Variants in MINK1 observed in about 807,000 individuals in gnomAD.
MINK1 encodes the protein misshapen-like kinase 1.
Under a neutral mutation model 178.4 loss-of-function variants are expected in MINK1, and 46 were observed. That is an observed-to-expected ratio of 0.26 (90% CI 0.20 to 0.33). The LOEUF is 0.33. Among genes scored for constraint, MINK1 ranks in the 10% least tolerant of loss-of-function variants. The pLI is 1.00. For missense variants in MINK1, 1,366 were observed against 1,814.9 expected, an observed-to-expected ratio of 0.75 and a Z score of 4.49; for synonymous variants, 797 against 709.7, an observed-to-expected ratio of 1.12 and a Z score of -1.96.
At chr17:4,897,118 C>T (rs1410347014) in intron 31 of MINK1, 86 bp from the exon 32 acceptor site, 3 of 1,162,846 alleles carry the variant, frequency 2.6e-6, no homozygotes, top group South Asian at 2.7e-5. Flanking sequence ...ACTCTTCTGC[C>T]ACCCCTTCTT....
At chr17:4,844,607 G>T in intron 1 of MINK1, 1 of 504,512 alleles carries the variant, frequency 2.0e-6, no homozygotes. Flanking sequence ...GTTGGCACTG[G>T]GGAGCACATG....
At chr17:4,864,976 A>G (rs1429985605) in intron 1 of MINK1, among the ~76,000 whole-genome samples, 1 of 152,226 alleles carries the variant, frequency 6.6e-6, no homozygotes, top group South Asian at 2.1e-4. Flanking sequence ...TTCACAGCAC[A>G]TAAGACAGAC....
chr17:4,834,086 C>T (rs1908916845), intron 1 of MINK1, among the ~76,000 whole-genome samples: 1 of 152,152 alleles, frequency 6.6e-6, no homozygotes, highest in Admixed American at 6.5e-5. Context: ...ACTGTCTCGA[C>T]AGCCTCTCTC....
chr17:4,850,941 C>T (rs1911846821), intron 1 of MINK1: 1 of 450,588 alleles, frequency 2.2e-6, no homozygotes, highest in South Asian at 1.6e-5. Flanking sequence ...ATGCTGTGCC[C>T]TTCCTTGCTC....
At position 4,892,131 on chromosome 17, in the gene MINK1, G is replaced by A. The variant is rs750518364; in HGVS notation, c.2002-18G>A. On this transcript the variant is annotated intron_variant, in intron 16 of 31. Coordinates refer to ENST00000355280, the MANE Select transcript of MINK1 (RefSeq NM_153827.5). ...CTGTCGCAGCGCCAGCTCGCAGCAC[G>A]TGGACTTCTCTCCACAGGTGCCTCA... is the stretch of plus-strand genomic sequence containing the variant. The A allele has an allele frequency of 1.8e-5, 28 of 1,577,178 alleles. No homozygotes were observed. Among genetic ancestry groups the A allele is most frequent in the Admixed American group, 1.1e-4 (6 of 55,508 alleles).
rs1367235911 is a variant in MINK1 at position 4,889,729 on chromosome 17, G to A, written c.1313G>A (p.Arg438Gln). 2.6e-6 allele frequency: 4 copies of A among 1,549,026 alleles called. No homozygotes were observed. The highest frequency in any genetic ancestry group is 1.9e-5 in the Admixed American group (1 of 51,334). Reference protein sequence around the residue: ...RRLEDMQALRREEERRQAERE... With the variant: ...RRLEDMQALRQEEERRQAERE... The stretch of plus-strand genomic sequence containing the variant: ...CTGGAGGACATGCAGGCTCTGCGGC[G>A]GGAGGAGGAGCGGCGGCAGGCGGAG... The change falls in exon 13 of 32, where the codon CGG becomes CAG. Residue 438 changes from arginine to glutamine, a missense_variant. Physicochemically the swap from Arg to Gln is conservative, Grantham distance 43 (BLOSUM62 1). Around this residue, in one of 14 missense-constraint regions of MINK1, gnomAD observed 87 missense variants for 78.9 expected, o/e 1.10. Transcript: ENST00000355280.
At position 4,892,227 on chromosome 17, in the gene MINK1, C is replaced by G; in HGVS notation, c.2080C>G (p.Arg694Gly). The G allele has an allele frequency of 1.9e-6, 3 of 1,582,946 alleles. No individual in the cohort carries two copies. The highest frequency in any genetic ancestry group is 2.6e-6 in the Non-Finnish European group (3 of 1,165,354). The part of the protein sequence containing the change: ...AGGSRPAQAV[R>G]ARPRSNSAWQ... ...AGGGTCCCGGCCAGCCCAGGCAGTC[C>G]GTGCCAGGTAATGCCTGGGTAGGGC... The change falls in exon 17 of 32, where the codon CGT becomes GGT. Residue 694 changes from arginine to glycine, a missense_variant. Transcript: ENST00000355280.
intron 1 of MINK1, among the ~76,000 whole-genome samples, chr17:4,838,969 A>G (rs1909716555): frequency 1.3e-5 from 2 of 149,708 alleles, no homozygotes; most frequent in Non-Finnish European, 1.5e-5. Flanking sequence ...TTTGAGACGC[A>G]GTCTCGCACT....
intron 2 of MINK1, among the ~76,000 whole-genome samples, chr17:4,879,480 T>C (rs1967503440): frequency 6.6e-6 from 1 of 152,166 alleles, no homozygotes; most frequent in Non-Finnish European, 1.5e-5. Context: ...CCACCCGCAA[T>C]CTCTTGCCTT....
intron 1 of MINK1, among the ~76,000 whole-genome samples, chr17:4,877,787 T>C (rs1427639206): frequency 6.7e-6 from 1 of 150,234 alleles, no homozygotes; most frequent in Non-Finnish European, 1.5e-5. Flanking sequence ...ATCTGCGCTC[T>C]GACTTCCATG....
chr17:4,865,426 ACT>A (rs964355591), intron 1 of MINK1, among the ~76,000 whole-genome samples: 1 of 151,806 alleles, frequency 6.6e-6, no homozygotes, highest in Admixed American at 6.6e-5. Flanking sequence ...AGGGTGAGAC[ACT>A]GTCTCAAAAA....
In MINK1 at chr17:4,895,947, G is replaced by A; in HGVS notation, c.3365-56G>A. On this transcript the variant is annotated intron_variant, in intron 27 of 31. Coordinates refer to ENST00000355280, the MANE Select transcript of MINK1 (RefSeq NM_153827.5). This position sits in a 1 kb window ranked among gnomAD's most constrained non-coding sequence, Gnocchi z 4.3. Reference sequence around the variant, plus strand: ...GCAGTGTAGTGACAGACCACGGGGAGGCGCCCGTGGCGCAAGAAGGGAAGT... The same window carrying A: ...GCAGTGTAGTGACAGACCACGGGGAAGCGCCCGTGGCGCAAGAAGGGAAGT... The A allele has an allele frequency of 6.4e-7, 1 of 1,563,598 alleles. No individual in the cohort carries two copies. The highest frequency in any genetic ancestry group is 8.7e-7 in the Non-Finnish European group (1 of 1,153,356).
chr17:4,859,131 A>C (rs1913695248), intron 1 of MINK1: 1 of 985,316 alleles, frequency 1.0e-6, no homozygotes, highest in Admixed American at 6.2e-5. Context: ...GCTGGGCTCG[A>C]AGCACAGGAG....
At chr17:4,861,607 T>C in intron 1 of MINK1, 2 of 228,930 alleles carry the variant, frequency 8.7e-6, no homozygotes, top group South Asian at 3.8e-5. Context: ...TTCAAGCGAT[T>C]CTCCTGCCCC....
rs777859624 is a variant in MINK1 at position 4,896,209 on chromosome 17, C to A, written c.3482C>A (p.Pro1161His). The change falls in exon 29 of 32, where the codon CCC (proline) becomes CAC (histidine). Residue 1161 changes from proline (P) to histidine (H), a missense_variant. By Grantham distance (77) the Pro-to-His change is moderately conservative (BLOSUM62 -2). Coordinates refer to ENST00000355280, the MANE Select transcript of MINK1 (RefSeq NM_153827.5). The surrounding 1 kb of genome is among the most constrained non-coding windows in gnomAD (Gnocchi z 4.6). The stretch of plus-strand genomic sequence containing the variant: ...TCTCTGCAGTCCTTTGCCGACCTCC[C>A]CCACCGCCCTCTGCTGGTCGACCTG... ...FMAFKSFADL[P>H]HRPLLVDLTV... 2 of 1,598,500 alleles carry A rather than the reference C, an allele frequency of 1.3e-6. No homozygotes were observed. Among genetic ancestry groups the A allele is most frequent in the Non-Finnish European group, 8.5e-7 (1 of 1,171,790 alleles).
Position 4,892,474 on chromosome 17 carries a change from G to T in MINK1, c.2160G>T (p.Gly720=). The change falls in exon 18 of 32, where the codon GGG becomes GGT. Residue 720 remains glycine (G), a synonymous_variant. Transcript: ENST00000355280. ...RAERGTPKPP[G]PPAQPPGPPN... Reference sequence around the variant, plus strand: ...AGCGGGGCACCCCAAAGCCTCCAGGGCCCCCTGCTCAGCCCCCTGGCCCGC... The same window carrying T: ...AGCGGGGCACCCCAAAGCCTCCAGGTCCCCCTGCTCAGCCCCCTGGCCCGC... 6.4e-7 allele frequency: 1 copy of T among 1,564,846 alleles called. No individual in the cohort carries two copies. The highest frequency in any genetic ancestry group is 8.7e-7 in the Non-Finnish European group (1 of 1,155,586).
rs768033318 is a variant in MINK1 at position 4,885,092 on chromosome 17, C to T, written c.508+90C>T. On this transcript the variant is annotated intron_variant, in intron 6 of 31. Transcript: ENST00000355280. This position sits in a 1 kb window ranked among gnomAD's most constrained non-coding sequence, Gnocchi z 5.0. The stretch of plus-strand genomic sequence containing the variant: ...CTTTTTCTCTCTGGTGGCTCAGGCC[C>T]AACTCCCTTCCTACTGGGGAGGCTC... 1.7e-6 allele frequency: 2 copies of T among 1,201,812 alleles called. No individual in the cohort carries two copies. Among genetic ancestry groups the T allele is most frequent in the Non-Finnish European group, 2.4e-6 (2 of 830,596 alleles). The allele number at this position is 1,201,812 out of a possible 1,614,324, so 74.4% of individuals were successfully genotyped here.
At chr17:4,834,594 C>T (rs1461845982) in intron 1 of MINK1, among the ~76,000 whole-genome samples, 1 of 152,158 alleles carries the variant, frequency 6.6e-6, no homozygotes, top group Non-Finnish European at 1.5e-5. Flanking sequence ...CACTTACACA[C>T]TCTGGTGGAA....
In MINK1 at chr17:4,886,306, T is replaced by TG. The variant is rs773672190; in HGVS notation, c.773+114dup. On this transcript the variant is annotated intron_variant, in intron 9 of 31. Coordinates refer to ENST00000355280, the MANE Select transcript of MINK1 (RefSeq NM_153827.5). This position sits in a 1 kb window ranked among gnomAD's most constrained non-coding sequence, Gnocchi z 6.1. The stretch of plus-strand genomic sequence containing the variant: ...TTGGATCTCACCAGAGAAGAGATTC[T>TG]GGGGGGCAGAGGGCGGTGACTGGTG... 28 of 1,522,234 alleles carry TG rather than the reference T, an allele frequency of 1.8e-5. No individual in the cohort carries two copies. Among genetic ancestry groups the TG allele is most frequent in the Non-Finnish European group, 2.5e-5 (27 of 1,098,502 alleles). 94.3% of individuals were successfully genotyped at this position (1,522,234 alleles called of 1,614,324 possible).
Sources: allele counts gnomAD v4.1 joint callset (sites outside exome capture counted in the v4.1 genomes callset), GRCh38; gene constraint gnomAD v4.1.1; regional missense constraint gnomAD v4.1.1; non-coding constraint Gnocchi (gnomAD v3.1); transcripts MANE v1.5; gene names NCBI Gene and HGNC (gene_info 2026-07-23, HGNC 2026-07-21).